Variants in FOXJ3 observed in about 807,000 individuals in gnomAD.
FOXJ3 encodes the protein forkhead box J3.
A neutral mutation model predicts 76.1 loss-of-function variants in FOXJ3; 22 were observed. The observed-to-expected ratio is 0.29, with a 90% CI of 0.21 to 0.41. The LOEUF is 0.41. Ranked by LOEUF, FOXJ3 falls within the 10% of genes least tolerant of loss-of-function variation. The pLI is 1.00. For synonymous variants in FOXJ3, 269 were observed against 261.2 expected (o/e 1.03, Z -0.29); for missense variants, 613 against 762.1 (o/e 0.80, Z 2.30).
At chr1:42,247,753 C>T (rs553486902) in intron 4 of FOXJ3, among the ~76,000 whole-genome samples, 5 of 152,268 alleles carry the variant, frequency 3.3e-5, no homozygotes, top group South Asian at 2.1e-4. Flanking sequence ...TCCTAAAAAA[C>T]TGAAAACATA....
chr1:42,223,555 C>T (rs1001236754), intron 5 of FOXJ3, among the ~76,000 whole-genome samples: 22 of 152,232 alleles, frequency 1.4e-4, no homozygotes, highest in African/African-American at 4.6e-4. Flanking sequence ...GCATTTTCTA[C>T]GCAAAAACAG....
intron 1 of FOXJ3, among the ~76,000 whole-genome samples, chr1:42,321,881 A>G (rs986930896): frequency 4.6e-5 from 7 of 152,076 alleles, no homozygotes; most frequent in African/African-American, 1.7e-4. Context: ...TTTCCAGGGA[A>G]AAAAAATGGG....
At chr1:42,245,162 G>A (rs1427382762) in intron 4 of FOXJ3, among the ~76,000 whole-genome samples, 3 of 66,736 alleles carry the variant, frequency 4.5e-5, no homozygotes, top group East Asian at 4.1e-4. Flanking sequence ...CCTGAGACTC[G>A]TCTCAAAAAA....
chr1:42,312,679 A>G (rs771389144), intron 1 of FOXJ3, among the ~76,000 whole-genome samples: 11 of 152,292 alleles, frequency 7.2e-5, no homozygotes, highest in Non-Finnish European at 1.3e-4. Flanking sequence ...AAAGGTATGC[A>G]GAGTACTGAC....
Position 42,320,005 on chromosome 1 carries a change from T to C in FOXJ3, c.-17-8895A>G, listed in dbSNP as rs575445466. ...AAGTTTCATACACCTGAAAAAATTATCAAGGAAACTACCACTATCTACAAA... is the reference window on the plus strand; with the variant it reads ...AAGTTTCATACACCTGAAAAAATTACCAAGGAAACTACCACTATCTACAAA... On this transcript the variant is annotated intron_variant, in intron 1 of 12. Coordinates refer to ENST00000361346, the MANE Select transcript of FOXJ3 (RefSeq NM_014947.5). 3.7e-4 allele frequency among the ~76,000 whole-genome samples: 57 copies of C among 152,294 alleles called. 1 individual carries two copies. In the South Asian group the frequency reaches 7.2e-3, roughly 19 times the overall value.
At chr1:42,189,441 T>C in intron 9 of FOXJ3, 37 bp from the exon 10 acceptor site, 1 of 1,431,638 alleles carries the variant, frequency 7.0e-7, no homozygotes, top group Non-Finnish European at 9.8e-7. Context: ...TCCTGGATGG[T>C]GAAAGGGTGA....
intron 2 of FOXJ3, among the ~76,000 whole-genome samples, chr1:42,304,247 TGAA>T (rs1026307887): frequency 6.6e-6 from 1 of 151,758 alleles, no homozygotes; most frequent in African/African-American, 2.4e-5. Context: ...TGAAAGAAGC[TGAA>T]GAAGACACCA....
intron 7 of FOXJ3, among the ~76,000 whole-genome samples, chr1:42,195,837 A>G (rs574883310): frequency 6.6e-6 from 1 of 152,360 alleles, no homozygotes; most frequent in South Asian, 2.1e-4. Flanking sequence ...TAGTGTCCTT[A>G]CACATCTCCA....
At chr1:42,203,289 A>G (rs1022811471) in intron 6 of FOXJ3, among the ~76,000 whole-genome samples, 1 of 152,142 alleles carries the variant, frequency 6.6e-6, no homozygotes, top group Non-Finnish European at 1.5e-5. Flanking sequence ...TCTTCCCCCA[A>G]CTGCATGTTT....
chr1:42,318,509 T>A (rs1230453608), intron 1 of FOXJ3, among the ~76,000 whole-genome samples: 3 of 151,874 alleles, frequency 2.0e-5, no homozygotes, highest in African/African-American at 7.3e-5. Flanking sequence ...GTCTGGCTAA[T>A]TTTTTTTGTA....
Position 42,286,758 on chromosome 1 carries a change from C to T in FOXJ3, c.45-8086G>A, listed in dbSNP as rs551642353. 8.3e-4 allele frequency among the ~76,000 whole-genome samples: 126 copies of T among 152,090 alleles called. 1 individual carries two copies. The highest frequency in any genetic ancestry group is 1.6e-3 in the Non-Finnish European group (109 of 67,976). On this transcript the variant is annotated intron_variant, in intron 2 of 12. Coordinates refer to ENST00000361346, the MANE Select transcript of FOXJ3 (RefSeq NM_014947.5). ...AAGCGATTCTCTTGCCTCAGCCTCC[C>T]GAGTAGCTGGGATTACAGGTGTGTG... is the stretch of plus-strand genomic sequence containing the variant.
At chr1:42,238,055 CG>C (rs1171296758) in intron 4 of FOXJ3, among the ~76,000 whole-genome samples, 1 of 151,772 alleles carries the variant, frequency 6.6e-6, no homozygotes, top group Non-Finnish European at 1.5e-5. Context: ...CTTTTTGAGA[CG>C]GGAGTCTCAC....
chr1:42,314,549 G>C (rs1654998247), intron 1 of FOXJ3, among the ~76,000 whole-genome samples: 1 of 152,172 alleles, frequency 6.6e-6, no homozygotes, highest in African/African-American at 2.4e-5. Context: ...ACCACGCCCA[G>C]CCCTCAGTCT....
chr1:42,218,502 T>C (rs1454155322), intron 5 of FOXJ3, among the ~76,000 whole-genome samples: 1 of 152,208 alleles, frequency 6.6e-6, no homozygotes, highest in Non-Finnish European at 1.5e-5. Flanking sequence ...AGGGCCAATA[T>C]GTTTAGGATA....
At chr1:42,231,273 C>T (rs1206434397) in intron 4 of FOXJ3, among the ~76,000 whole-genome samples, 3 of 152,136 alleles carry the variant, frequency 2.0e-5, no homozygotes, top group Non-Finnish European at 4.4e-5. Context: ...TCGCAGTGAG[C>T]CGAGATCACG....
chr1:42,298,641 A>AT (rs1374796287), intron 2 of FOXJ3, among the ~76,000 whole-genome samples: 6 of 151,326 alleles, frequency 4.0e-5, no homozygotes, highest in Admixed American at 6.6e-5. Context: ...CCTTTGTATC[A>AT]TTTTTTTATC....
intron 5 of FOXJ3, among the ~76,000 whole-genome samples, chr1:42,224,723 T>C (rs1041012470): frequency 5.3e-5 from 8 of 152,126 alleles, no homozygotes; most frequent in Admixed American, 2.0e-4. Context: ...TGTCAAGCTT[T>C]ATCTTCCGTT....
chr1:42,269,209 T>C (rs1651695535), intron 3 of FOXJ3, among the ~76,000 whole-genome samples: 1 of 151,850 alleles, frequency 6.6e-6, no homozygotes, highest in African/African-American at 2.4e-5. Flanking sequence ...AATGGAATCA[T>C]AAAAAATACA....
rs553218179 is a variant in FOXJ3 at position 42,267,737 on chromosome 1, TAAAG to T, written c.370-2552_370-2549del. On this transcript the variant is annotated intron_variant, in intron 3 of 12. Transcript: ENST00000361346. ...AAAAAAAGTGGACAACTTGCTTGCA[TAAAG>T]AGATGGAGAATTTCAACAGAAATGT... 2.6e-3 allele frequency among the ~76,000 whole-genome samples: 391 copies of T among 152,014 alleles called. 2 individuals are homozygous for T. Among genetic ancestry groups the T allele is most frequent in the African/African-American group, 9.1e-3 (379 of 41,468 alleles).
Sources: allele counts gnomAD v4.1 joint callset (sites outside exome capture counted in the v4.1 genomes callset), GRCh38; gene constraint gnomAD v4.1.1; transcripts MANE v1.5; gene names NCBI Gene and HGNC (gene_info 2026-07-23, HGNC 2026-07-21).